DENND4C: variants seen among roughly 807,000 people sequenced by gnomAD.
DENND4C encodes the protein DENN domain-containing protein 4C.
Under a neutral mutation model 203.0 loss-of-function variants are expected in DENND4C, and 108 were observed. That is an observed-to-expected ratio of 0.53 (90% CI 0.46 to 0.62). DENND4C has a LOEUF of 0.62. DENND4C is among the 20% of genes least tolerant of loss of function. The probability of loss-of-function intolerance (pLI) is 0.00; values close to 1 mark genes in which losing one functional copy is unlikely to be tolerated. For missense variants in DENND4C, 2,481 were observed against 2,301.2 expected (o/e 1.08, Z -1.60); for synonymous variants, 871 against 792.4 (o/e 1.10, Z -1.67).
chr9:19,303,687 C>G (rs1167277227), intron 9 of DENND4C, among the ~76,000 whole-genome samples: 2 of 151,990 alleles, frequency 1.3e-5, no homozygotes, highest in African/African-American at 2.4e-5. Context: ...CCTGAATAAC[C>G]CTCTGTAATA....
chr9:19,267,483 CTGTG>C (rs1387142588), intron 1 of DENND4C, among the ~76,000 whole-genome samples: 1 of 151,980 alleles, frequency 6.6e-6, no homozygotes, highest in African/African-American at 2.4e-5. Flanking sequence ...TATTTTTAGT[CTGTG>C]TGTATCTTTA....
chr9:19,344,147 T>C (rs1822280521), intron 22 of DENND4C, among the ~76,000 whole-genome samples: 1 of 152,226 alleles, frequency 6.6e-6, no homozygotes, highest in Non-Finnish European at 1.5e-5. Context: ...AAAGATCTTA[T>C]CTAAGACAGC....
At chr9:19,315,299 C>T (rs1841597100) in intron 10 of DENND4C, among the ~76,000 whole-genome samples, 1 of 151,914 alleles carries the variant, frequency 6.6e-6, no homozygotes, top group Non-Finnish European at 1.5e-5. Flanking sequence ...AAATCCAAGG[C>T]TGTCTGTTAA....
chr9:19,250,151 T>G (rs1020082345), intron 1 of DENND4C, among the ~76,000 whole-genome samples: 1 of 152,120 alleles, frequency 6.6e-6, no homozygotes, highest in African/African-American at 2.4e-5. Flanking sequence ...TAGTCTGTTC[T>G]CACATGGCTG....
At chr9:19,286,584 A>G (rs1046029581) in intron 2 of DENND4C, among the ~76,000 whole-genome samples, 185 bp from the exon 3 acceptor site, 5 of 152,190 alleles carry the variant, frequency 3.3e-5, no homozygotes, top group African/African-American at 1.2e-4. Flanking sequence ...TGTAGTTCCC[A>G]AAGGAATAAT....
rs1829180064 is a variant in DENND4C, at chr9:19,373,531, A to G, written c.*1358A>G. On this transcript the variant is annotated 3_prime_UTR_variant, in exon 33 of 33. Coordinates refer to ENST00000434457, the MANE Select transcript of DENND4C (RefSeq NM_001330640.2). ...TAGATTTGTATGCTTGTGAGTAAAAATGTGCATTTGTAAATACTGTGTTTT... is the reference window on the plus strand; with the variant it reads ...TAGATTTGTATGCTTGTGAGTAAAAGTGTGCATTTGTAAATACTGTGTTTT... 1 of 152,636 alleles carries G rather than the reference A, an allele frequency of 6.6e-6. No individual in the cohort carries two copies. The highest frequency in any genetic ancestry group is 2.1e-4 in the South Asian group (1 of 4,832). 9.5% of individuals were successfully genotyped at this position (152,636 alleles called of 1,614,324 possible). A position where few individuals can be genotyped will look rare whatever the true frequency, so the allele number is the denominator to read the frequency against.
intron 5 of DENND4C, among the ~76,000 whole-genome samples, chr9:19,294,592 T>C (rs1837040811): frequency 1.3e-5 from 2 of 152,202 alleles, no homozygotes; most frequent in African/African-American, 4.8e-5. Context: ...CGCCAATGTT[T>C]GTAGCAGGGT....
At chr9:19,301,033 C>G (rs1838457149) in intron 9 of DENND4C, among the ~76,000 whole-genome samples, 1 of 152,070 alleles carries the variant, frequency 6.6e-6, no homozygotes, top group Admixed American at 6.6e-5. Context: ...ACAAAGTTAG[C>G]CGGGTGTGGT....
intron 30 of DENND4C, among the ~76,000 whole-genome samples, chr9:19,368,696 A>G (rs569386369): frequency 3.7e-4 from 56 of 152,294 alleles, no homozygotes; most frequent in Non-Finnish European, 7.1e-4. Context: ...CAGCTACTCG[A>G]GGCTGAAGCA....
intron 1 of DENND4C, among the ~76,000 whole-genome samples, chr9:19,245,792 G>A (rs1181005422): frequency 6.6e-6 from 1 of 151,530 alleles, no homozygotes; most frequent in Non-Finnish European, 1.5e-5. Flanking sequence ...GGAGGTGGAG[G>A]TTGCGGTGAG....
intron 1 of DENND4C, among the ~76,000 whole-genome samples, chr9:19,270,616 G>A (rs888772996): frequency 6.6e-6 from 1 of 152,200 alleles, no homozygotes; most frequent in Non-Finnish European, 1.5e-5. Flanking sequence ...TACTTGGGTT[G>A]TTTTCACCTT....
intron 23 of DENND4C, 125 bp downstream of exon 23, chr9:19,347,211 C>T: frequency 1.1e-6 from 1 of 929,100 alleles, no homozygotes; most frequent in Non-Finnish European, 1.6e-6. Context: ...ATGATTTTGG[C>T]TGTCTGCAAC....
intron 10 of DENND4C, among the ~76,000 whole-genome samples, chr9:19,307,407 A>G (rs1014042352): frequency 6.6e-6 from 1 of 151,424 alleles, no homozygotes; most frequent in African/African-American, 2.4e-5. Flanking sequence ...AAAAAAAAAA[A>G]AAAAAAGAAG....
intron 1 of DENND4C, among the ~76,000 whole-genome samples, chr9:19,266,063 G>C (rs1321581766): frequency 2.0e-5 from 3 of 152,180 alleles, no homozygotes; most frequent in Admixed American, 2.0e-4. Context: ...CTAGTTTACA[G>C]TCCCACCAAC....
intron 26 of DENND4C, 74 bp from the exon 27 acceptor site, chr9:19,356,898 A>T: frequency 7.3e-7 from 1 of 1,369,872 alleles, no homozygotes; most frequent in Non-Finnish European, 1.0e-6. Context: ...CAATAAAATG[A>T]TTCTAAATAT....
intron 18 of DENND4C, 47 bp downstream of exon 18, chr9:19,335,152 A>T: frequency 1.5e-6 from 2 of 1,352,736 alleles, no homozygotes; most frequent in Non-Finnish European, 2.0e-6. Flanking sequence ...ATTAAGAATG[A>T]TTATTTTGTA....
chr9:19,240,112 G>A (rs574107660), intron 1 of DENND4C, among the ~76,000 whole-genome samples: 1 of 152,222 alleles, frequency 6.6e-6, no homozygotes, highest in East Asian at 1.9e-4. Context: ...GATGTACACA[G>A]TCATAAGTAA....
intron 1 of DENND4C, among the ~76,000 whole-genome samples, chr9:19,273,061 G>A (rs1832091198): frequency 6.7e-6 from 1 of 149,034 alleles, no homozygotes; most frequent in South Asian, 2.1e-4. Context: ...CCATTCTCCT[G>A]CCTCAGCCTC....
In DENND4C at chr9:19,361,765, G is replaced by A. The variant is rs1438901394; in HGVS notation, c.5407-81G>A. On this transcript the variant is annotated intron_variant, in intron 29 of 32. Coordinates refer to ENST00000434457, the MANE Select transcript of DENND4C (RefSeq NM_001330640.2). Reference sequence around the variant, plus strand: ...TCCAGAATTTTAAAAGGACTCATCTGTTTTATATAATCAAGCTTCACTAGA... The same window carrying A: ...TCCAGAATTTTAAAAGGACTCATCTATTTTATATAATCAAGCTTCACTAGA... 3 of 835,984 alleles carry A rather than the reference G, an allele frequency of 3.6e-6. No homozygotes were observed. In the African/African-American group the frequency reaches 5.2e-5, roughly 15 times the overall value. 51.8% of individuals were successfully genotyped at this position (835,984 alleles called of 1,614,324 possible). A position where few individuals can be genotyped will look rare whatever the true frequency, so the allele number is the denominator to read the frequency against.
Sources: gnomAD v4.1 joint callset for allele counts (sites outside exome capture counted in the v4.1 genomes callset) on GRCh38, gnomAD v4.1.1 for gene constraint, MANE v1.5 for transcripts, NCBI Gene and HGNC (gene_info 2026-07-23, HGNC 2026-07-21) for gene names.